Variants in TTN observed in about 807,000 individuals in gnomAD.
TTN encodes the protein connectin.
In TTN, 1,525 loss-of-function variants were observed where a neutral mutation model predicts 3,223.0. The ratio of observed to expected loss-of-function variants is 0.47; its 90% CI spans 0.45 to 0.49. TTN has a LOEUF of 0.49. Among genes scored for constraint, TTN ranks in the 20% least tolerant of loss-of-function variants. The pLI, the probability that TTN is intolerant of heterozygous loss-of-function variation, is 0.00. For missense variants in TTN, 40,786 were observed against 43,424.0 expected, an observed-to-expected ratio of 0.94 and a Z score of 5.40; for synonymous variants, 14,094 against 15,161.0, an observed-to-expected ratio of 0.93 and a Z score of 5.17.
rs1208784748 is a variant in TTN at position 178,635,233 on chromosome 2, C to T, written c.41956G>A (p.Ala13986Thr). The change falls in exon 228 of 363, where the codon GCA becomes ACA. Residue 13986 changes from alanine (A) to threonine (T), a missense_variant. Coordinates refer to ENST00000589042, the MANE Select transcript of TTN (RefSeq NM_001267550.2). ...GGAATGTCTGCCTCTGAGATTTCTG[C>T]ATCAAAGCTTGCACTTTCTTTCTCA... ...IYEKESASFD[A>T]EISEADIPGQ... 1 of 1,613,320 alleles carries T rather than the reference C, an allele frequency of 6.2e-7. No individual in the cohort carries two copies. Among genetic ancestry groups the T allele is most frequent in the Non-Finnish European group, 8.5e-7 (1 of 1,179,510 alleles).
Position 178,683,299 on chromosome 2 carries a change from G to T in TTN, c.32807-8C>A, listed in dbSNP as rs529452747. 1.4e-6 allele frequency: 2 copies of T among 1,473,106 alleles called. No homozygotes were observed. The highest frequency in any genetic ancestry group is 2.8e-5 in the African/African-American group (2 of 70,548). The allele number at this position is 1,473,106 out of a possible 1,614,324, so 91.3% of individuals were successfully genotyped here. On this transcript the variant is annotated splice_polypyrimidine_tract_variant and splice_region_variant and intron_variant, in intron 133 of 362. Transcript: ENST00000589042. The stretch of plus-strand genomic sequence containing the variant: ...TTTTTCTGAATTCAGTCACTTTAAA[G>T]GAGTAATTATTAAAAGTGAATTGCA...
chr2:178,796,683 C>T lies in TTN; in HGVS notation c.915-1431G>A, dbSNP rs552649954. On this transcript the variant is annotated intron_variant, in intron 6 of 362. Coordinates refer to ENST00000589042, the MANE Select transcript of TTN (RefSeq NM_001267550.2). The stretch of plus-strand genomic sequence containing the variant: ...GAGACATGTGCTTTTAAGTTTCACC[C>T]TGTGCCTTGTTCTTGCTGTACTTAG... Among the ~76,000 whole-genome samples, 10 of 152,274 alleles carry T rather than the reference C, an allele frequency of 6.6e-5. No individual in the cohort carries two copies. The East Asian group carries it at 9.6e-4, about 15-fold the overall frequency.
At position 178,530,093 on chromosome 2, in the gene TTN, A is replaced by G. The variant is rs1553482820; in HGVS notation, c.106398T>C (p.Tyr35466=). 9 of 1,605,618 alleles carry G rather than the reference A, an allele frequency of 5.6e-6. No homozygotes were observed. The South Asian group carries it at 1.0e-4, about 18-fold the overall frequency. ...ACCCTCCCTTGTCTTCAGAGAGTTT[A>G]TATTTACCTCCTTGTGTAATGGCCT... is the stretch of plus-strand genomic sequence containing the variant. ...DGKAITQGGK[Y]KLSEDKGGFF... is the part of the protein sequence containing the mutation. Residue 35466 remains tyrosine (Y), a synonymous_variant, in exon 359 of 363, where the codon TAT becomes TAC. Coordinates refer to ENST00000589042, the MANE Select transcript of TTN (RefSeq NM_001267550.2).
At position 178,647,440 on chromosome 2, in the gene TTN, A is replaced by T. The variant is rs568151115; in HGVS notation, c.40082T>A (p.Ile13361Asn). ...AGGCACAGACACTTCCTTTTCTGGG[A>T]TGATTTTCTCAGGCACTTTGGGCAC... ...EKVPKVPEKI[I>N]PEKEVSVPIP... is the part of the protein sequence containing the mutation. Residue 13361 changes from isoleucine (I) to asparagine (N), a missense_variant, in exon 214 of 363, where the codon ATC (isoleucine) becomes AAC (asparagine). Physicochemically the swap from Ile to Asn is moderately radical, Grantham distance 149. Transcript: ENST00000589042. The T allele has an allele frequency of 2.5e-5, 39 of 1,549,670 alleles. No homozygotes were observed. The African/African-American group carries it at 3.7e-4, about 15-fold the overall frequency.
At position 178,579,358 on chromosome 2, in the gene TTN, A is replaced by G; in HGVS notation, c.67672T>C (p.Leu22558=). 6.3e-7 allele frequency: 1 copy of G among 1,595,938 alleles called. No individual in the cohort carries two copies. Among genetic ancestry groups the G allele is most frequent in the East Asian group, 2.2e-5 (1 of 44,562 alleles). Residue 22558 remains leucine, a synonymous_variant, in exon 320 of 363, where the codon TTG becomes CTG. Transcript: ENST00000589042. ...CTGTTTTCTTTAGCCAAGTAGCACA[A>G]ATCAGGTAGACCCTTTAAGTCAAGA... ...PDLDLKGLPD[L]CYLAKENSNF...
chr2:178,760,587 T>C (rs1385829058), intron 43 of TTN, among the ~76,000 whole-genome samples: 1 of 152,152 alleles, frequency 6.6e-6, no homozygotes, highest in Non-Finnish European at 1.5e-5. Context: ...GGAAATGTCA[T>C]TTAAGCTTTC....
chr2:178,723,792 A>G, intron 73 of TTN, 64 bp downstream of exon 73: 1 of 1,549,864 alleles, frequency 6.5e-7, no homozygotes, highest in Non-Finnish European at 8.7e-7. Context: ...ATGTTTGTCA[A>G]CATAGATGTG....
rs778615023 is a variant in TTN at position 178,670,254 on chromosome 2, G to A, written c.35350C>T (p.Arg11784Cys). Residue 11784 changes from arginine (R) to cysteine (C), a missense_variant, in exon 157 of 363, where the codon CGT (arginine) becomes TGT (cysteine). Transcript: ENST00000589042. ...GGAACTCTGGGCTCTTCAGGAACAC[G>A]TACTTTTTCTTCTACCACAATTTTC... ...PKKIVVEEKV[R>C]VPEEPRVPPT... 8 of 1,494,178 alleles carry A rather than the reference G, an allele frequency of 5.4e-6. No individual in the cohort carries two copies. Among genetic ancestry groups the A allele is most frequent in the South Asian group, 1.5e-5 (1 of 65,274 alleles). The allele number at this position is 1,494,178 out of a possible 1,614,324, so 92.6% of individuals were successfully genotyped here. A position where few individuals can be genotyped will look rare whatever the true frequency, so the allele number is the denominator to read the frequency against.
At chr2:178,771,085 G>T in intron 34 of TTN, 126 bp downstream of exon 34, 1 of 1,450,304 alleles carries the variant, frequency 6.9e-7, no homozygotes, top group Non-Finnish European at 9.5e-7. Flanking sequence ...AAGGTTTAGA[G>T]GATCTAGAAT....
chr2:178,609,307 G>C lies in TTN; in HGVS notation c.52003C>G (p.Arg17335Gly). 6.2e-7 allele frequency: 1 copy of C among 1,606,066 alleles called. No homozygotes were observed. The highest frequency in any genetic ancestry group is 2.2e-5 in the East Asian group (1 of 44,520). The change falls in exon 273 of 363, where the codon CGC becomes GGC. Residue 17335 changes from arginine to glycine, a missense_variant. Transcript: ENST00000589042. ...DNSKKGESQL[R>G]VRDSLRPDHG... ...TCAGGTCGGAGAGAATCTCGGACGC[G>C]TAGCTGAGATTCTCCCTTTTTGCTG...
At position 178,718,383 on chromosome 2, in the gene TTN, G is replaced by A. The variant is rs374437449; in HGVS notation, c.24723C>T (p.Tyr8241=). The change falls in exon 85 of 363, where the codon TAC becomes TAT. Residue 8241 remains tyrosine (Y), a synonymous_variant. Transcript: ENST00000589042. ...CAGCCTCATTTTCTATCAGGCAGCT[G>A]TACTGTGCATAATCCTCTATTGTGC... ...LESTIEDYAQ[Y]SCLIENEAGQ... is the part of the protein sequence containing the mutation. 3.1e-6 allele frequency: 5 copies of A among 1,613,666 alleles called. No homozygotes were observed. In the Admixed American group the frequency reaches 6.7e-5, roughly 22 times the overall value.
chr2:178,720,630 A>G lies in TTN; in HGVS notation c.23132T>C (p.Val7711Ala). 6.2e-7 allele frequency: 1 copy of G among 1,606,514 alleles called. No individual in the cohort carries two copies. Among genetic ancestry groups the G allele is most frequent in the Non-Finnish European group, 8.5e-7 (1 of 1,176,982 alleles). ...CACATCAGAACCTTTAAGAGCTCCT[A>G]CTGGAGAAGGCTTCTGGGTGAAAAC... ...PPVFTQKPSP[V>A]GALKGSDVIL... The change falls in exon 80 of 363, where the codon GTA (valine) becomes GCA (alanine). Residue 7711 changes from valine (V) to alanine (A), a missense_variant. By Grantham distance (64) the Val-to-Ala change is moderately conservative (BLOSUM62 0). Coordinates refer to ENST00000589042, the MANE Select transcript of TTN (RefSeq NM_001267550.2).
In TTN at chr2:178,675,671, C is replaced by T; in HGVS notation, c.34537G>A (p.Val11513Ile). ...ATATCCCTGTTATGGGATGATGTACCTTTGGCAGGAGGGGCCACTGCTTTC... is the reference window on the plus strand; with the variant it reads ...ATATCCCTGTTATGGGATGATGTACTTTTGGCAGGAGGGGCCACTGCTTTC... ...LKKAVAPPAK[V>I]PEVPKKVEEK... The change falls in exon 149 of 363, where the codon GTT (valine) becomes ATT (isoleucine). Residue 11513 changes from valine (V) to isoleucine (I), a missense_variant and splice_region_variant. By Grantham distance (29) the Val-to-Ile change is conservative. Transcript: ENST00000589042. 1 of 1,415,462 alleles carries T rather than the reference C, an allele frequency of 7.1e-7. No individual in the cohort carries two copies. The highest frequency in any genetic ancestry group is 9.1e-7 in the Non-Finnish European group (1 of 1,093,894). The allele number at this position is 1,415,462 out of a possible 1,614,324, so 87.7% of individuals were successfully genotyped here.
Position 178,733,262 on chromosome 2 carries a change from C to T in TTN, c.16031G>A (p.Cys5344Tyr). 6.2e-7 allele frequency: 1 copy of T among 1,606,602 alleles called. No homozygotes were observed. Among genetic ancestry groups the T allele is most frequent in the South Asian group, 1.1e-5 (1 of 89,794 alleles). ...ACCTAATACAGTGAATGTAGTCTCA[C>T]AGGAGCTGCTGCCCACTTCATTGGA... ...EISNEVGSSSCETTFTVLDRD... is the reference protein window; with the variant it reads ...EISNEVGSSSYETTFTVLDRD... Residue 5344 changes from cysteine to tyrosine, a missense_variant, in exon 54 of 363, where the codon TGT (cysteine) becomes TAT (tyrosine). Transcript: ENST00000589042.
intron 73 of TTN, 25 bp from the exon 74 acceptor site, chr2:178,723,721 A>T (rs2078843075): frequency 6.5e-7 from 1 of 1,536,396 alleles, no homozygotes; most frequent in African/African-American, 1.4e-5. Context: ...AGAACAATTA[A>T]AAGATCCTGT....
At position 178,735,729 on chromosome 2, in the gene TTN, T is replaced by A. The variant is rs2081328374; in HGVS notation, c.14717A>T (p.His4906Leu). 6.2e-7 allele frequency: 1 copy of A among 1,613,720 alleles called. No individual in the cohort carries two copies. The highest frequency in any genetic ancestry group is 1.7e-5 in the Admixed American group (1 of 59,988). Residue 4906 changes from histidine (H) to leucine (L), a missense_variant, in exon 50 of 363, where the codon CAC becomes CTC. Coordinates refer to ENST00000589042, the MANE Select transcript of TTN (RefSeq NM_001267550.2). The stretch of plus-strand genomic sequence containing the variant: ...GTCTTCATCTACTTGGCACTCAAGG[T>A]GGACCTTCTTATTGATAGCGGACTG... Reference protein sequence around the residue: ...PVQSAINKKVHLECQVDEDRK... With the variant: ...PVQSAINKKVLLECQVDEDRK...
In TTN at chr2:178,544,070, G is replaced by A. The variant is rs1259754105; in HGVS notation, c.96074C>T (p.Thr32025Ile). ...ELADDLKKTV[T>I]IRAGASLRLM... is the part of the protein sequence containing the mutation. ...GCGCAAGGAGGCCCCAGCCCTGATG[G>A]TCACAGTCTTCTTTAGATCATCTGC... Residue 32025 changes from threonine (T) to isoleucine (I), a missense_variant, in exon 346 of 363, where the codon ACC becomes ATC. Physicochemically the swap from Thr to Ile is moderately conservative, Grantham distance 89. Transcript: ENST00000589042. 3 of 1,613,244 alleles carry A rather than the reference G, an allele frequency of 1.9e-6. No individual in the cohort carries two copies. The highest frequency in any genetic ancestry group is 2.7e-5 in the African/African-American group (2 of 74,888).
In TTN at chr2:178,569,054, A is replaced by T; in HGVS notation, c.77078T>A (p.Ile25693Asn). ...IGLPAQTADP[I>N]KVAEVPQPPG... ...AGGTTGTGGCACTTCTGCAACCTTA[A>T]TTGGATCAGCAGTCTGGGCAGGAAG... The change falls in exon 326 of 363, where the codon ATT (isoleucine) becomes AAT (asparagine). Residue 25693 changes from isoleucine to asparagine, a missense_variant. Physicochemically the swap from Ile to Asn is moderately radical, Grantham distance 149. Transcript: ENST00000589042. 1 of 1,613,286 alleles carries T rather than the reference A, an allele frequency of 6.2e-7. No individual in the cohort carries two copies. Among genetic ancestry groups the T allele is most frequent in the Non-Finnish European group, 8.5e-7 (1 of 1,179,546 alleles).
rs2091250841 is a variant in TTN, at chr2:178,770,069, A to T, written c.8632T>A (p.Phe2878Ile). Residue 2878 changes from phenylalanine to isoleucine, a missense_variant, in exon 36 of 363, where the codon TTT (phenylalanine) becomes ATT (isoleucine). Phe to Ile is a conservative substitution (Grantham distance 21). Transcript: ENST00000589042. ...VGQLECKAKL[F>I]VETLHITKTM... ...GCTGCCTGATACTTACTCTCCACAAACAGTTTTGCTTTGCATTCCAATTGC... is the reference window on the plus strand; with the variant it reads ...GCTGCCTGATACTTACTCTCCACAATCAGTTTTGCTTTGCATTCCAATTGC... The T allele has an allele frequency of 1.2e-6, 2 of 1,614,010 alleles. No individual in the cohort carries two copies. The highest frequency in any genetic ancestry group is 8.5e-7 in the Non-Finnish European group (1 of 1,180,014).
Sources: gnomAD v4.1 joint callset for allele counts (sites outside exome capture counted in the v4.1 genomes callset) on GRCh38, gnomAD v4.1.1 for gene constraint, MANE v1.5 for transcripts, NCBI Gene and HGNC (gene_info 2026-07-23, HGNC 2026-07-21) for gene names.